SMAD1: variants seen among roughly 807,000 people sequenced by gnomAD.
SMAD1 encodes the protein SMAD family member 1.
A neutral mutation model predicts 41.6 loss-of-function variants in SMAD1; 6 were observed. The ratio of observed to expected loss-of-function variants is 0.14; its 90% CI spans 0.08 to 0.28. The LOEUF (loss-of-function observed/expected upper bound fraction) is 0.28. Ranked by LOEUF, SMAD1 falls within the 10% of genes least tolerant of loss-of-function variation. SMAD1 has a pLI of 1.00. For missense variants in SMAD1, 379 were observed against 582.6 expected, an observed-to-expected ratio of 0.65 and a Z score of 3.60; for synonymous variants, 206 against 203.2, an observed-to-expected ratio of 1.01 and a Z score of -0.12.
intron 1 of SMAD1, among the ~76,000 whole-genome samples, chr4:145,495,201 G>A (rs1296728014): frequency 6.6e-6 from 1 of 152,184 alleles, no homozygotes. Context: ...TAATGCTAAA[G>A]TTGAGGAACC....
chr4:145,551,712 A>G (rs967832933), intron 5 of SMAD1, among the ~76,000 whole-genome samples: 4 of 152,190 alleles, frequency 2.6e-5, no homozygotes, highest in African/African-American at 7.2e-5. Flanking sequence ...TTTGTCAACT[A>G]TAAATTAGGG....
chr4:145,546,624 G>A (rs1244712820), intron 4 of SMAD1, 79 bp from the exon 5 acceptor site: 10 of 977,866 alleles, frequency 1.0e-5, no homozygotes, highest in Non-Finnish European at 1.5e-5. Context: ...ATGATCCTGA[G>A]CCAATTCAAC....
At chr4:145,533,587 G>A (rs1015879604) in intron 2 of SMAD1, among the ~76,000 whole-genome samples, 1 of 152,170 alleles carries the variant, frequency 6.6e-6, no homozygotes, top group Non-Finnish European at 1.5e-5. Context: ...AGGAGGCTGA[G>A]GCAGGAGGAT....
chr4:145,531,062 A>G (rs1731289022), intron 2 of SMAD1, among the ~76,000 whole-genome samples: 1 of 152,244 alleles, frequency 6.6e-6, no homozygotes, highest in Admixed American at 6.5e-5. Flanking sequence ...TGAACCTTAT[A>G]TTATAGACCC....
chr4:145,488,465 T>C (rs1318125498), intron 1 of SMAD1, among the ~76,000 whole-genome samples: 1 of 142,434 alleles, frequency 7.0e-6, no homozygotes, highest in Non-Finnish European at 1.5e-5. Context: ...TATTATCCTC[T>C]CCCTGTCTTT....
intron 1 of SMAD1, among the ~76,000 whole-genome samples, chr4:145,501,353 G>A (rs967508574): frequency 6.6e-6 from 1 of 152,198 alleles, no homozygotes; most frequent in African/African-American, 2.4e-5. Context: ...GGAAAGTGGC[G>A]TGAGACCATA....
chr4:145,509,395 A>G (rs1244172676), intron 1 of SMAD1, among the ~76,000 whole-genome samples: 1 of 151,398 alleles, frequency 6.6e-6, no homozygotes, highest in South Asian at 2.1e-4. Flanking sequence ...TTGAATAGTT[A>G]AAACAAAAAT....
Position 145,539,799 on chromosome 4 carries a change from T to G in SMAD1, c.401-5T>G. 1 of 1,611,404 alleles carries G rather than the reference T, an allele frequency of 6.2e-7. No individual in the cohort carries two copies. The highest frequency in any genetic ancestry group is 1.1e-5 in the South Asian group (1 of 91,044). ...TCCTTCTCTTTTTTCCCTTCCTTTT[T>G]CTAGTACTTCCTCCTGTGCTGGTTC... is the stretch of plus-strand genomic sequence containing the variant. On this transcript the variant is annotated splice_region_variant and splice_polypyrimidine_tract_variant and intron_variant, in intron 2 of 6. Transcript: ENST00000302085.
intron 1 of SMAD1, chr4:145,497,368 G>T (rs17020237): frequency 6.6e-6 from 1 of 152,212 alleles, no homozygotes; most frequent in Non-Finnish European, 1.5e-5. Flanking sequence ...TAGATGAAGA[G>T]CCTGAACAGG....
chr4:145,549,930 A>G (rs957832523), intron 5 of SMAD1, among the ~76,000 whole-genome samples: 1 of 152,216 alleles, frequency 6.6e-6, no homozygotes, highest in African/African-American at 2.4e-5. Flanking sequence ...AATTTTGCAT[A>G]CATTTGGGAG....
At chr4:145,488,599 G>A (rs1412530116) in intron 1 of SMAD1, among the ~76,000 whole-genome samples, 1 of 152,008 alleles carries the variant, frequency 6.6e-6, no homozygotes, top group African/African-American at 2.4e-5. Context: ...AAAAAGGTGG[G>A]GGGGAGACTC....
intron 1 of SMAD1, among the ~76,000 whole-genome samples, chr4:145,494,022 C>T (rs1163102809): frequency 6.6e-6 from 1 of 152,164 alleles, no homozygotes; most frequent in African/African-American, 2.4e-5. Flanking sequence ...AGTGCAGTGG[C>T]GTGATCTTGG....
chr4:145,521,162 G>T (rs1296429401), intron 2 of SMAD1, among the ~76,000 whole-genome samples: 2 of 152,136 alleles, frequency 1.3e-5, no homozygotes, highest in Admixed American at 6.5e-5. Flanking sequence ...TCAGAATCAG[G>T]GCTACTTATT....
At chr4:145,508,819 T>C (rs1162780679) in intron 1 of SMAD1, among the ~76,000 whole-genome samples, 1 of 152,194 alleles carries the variant, frequency 6.6e-6, no homozygotes, top group Non-Finnish European at 1.5e-5. Context: ...GCCTCTTCTC[T>C]CTGTAACCTC....
At chr4:145,532,555 T>C (rs1731374008) in intron 2 of SMAD1, among the ~76,000 whole-genome samples, 1 of 152,228 alleles carries the variant, frequency 6.6e-6, no homozygotes, top group South Asian at 2.1e-4. Context: ...AAGAAATTCA[T>C]GTGTACAAAG....
intron 5 of SMAD1, among the ~76,000 whole-genome samples, chr4:145,550,227 T>G (rs1451281918): frequency 6.6e-6 from 1 of 152,186 alleles, no homozygotes; most frequent in Non-Finnish European, 1.5e-5. Context: ...AATCCATTGA[T>G]ATATTTCACC....
chr4:145,542,359 C>A (rs1731992764), intron 3 of SMAD1, among the ~76,000 whole-genome samples: 1 of 152,230 alleles, frequency 6.6e-6, no homozygotes, highest in South Asian at 2.1e-4. Context: ...TAGTATAATT[C>A]TTTTCCTCCC....
chr4:145,497,818 G>C (rs557564517), intron 1 of SMAD1: 11 of 152,288 alleles, frequency 7.2e-5, no homozygotes, highest in Non-Finnish European at 1.5e-4. Flanking sequence ...GAAAAACTTT[G>C]CATTTGCTTC....
In SMAD1 at chr4:145,514,547, C is replaced by T. The variant is rs1437455462; in HGVS notation, c.-67C>T. Reference sequence around the variant, plus strand: ...TCTGTAAATAAACAAATCTCTTCTGCTGTCCTTTTGCATTTGGAGACAGCT... The same window carrying T: ...TCTGTAAATAAACAAATCTCTTCTGTTGTCCTTTTGCATTTGGAGACAGCT... On this transcript the variant is annotated 5_prime_UTR_variant, in exon 2 of 7. Transcript: ENST00000302085. This position sits in a 1 kb window ranked among gnomAD's most constrained non-coding sequence, Gnocchi z 4.7. The T allele has an allele frequency of 3.6e-6, 5 of 1,393,986 alleles. No individual in the cohort carries two copies. Among genetic ancestry groups the T allele is most frequent in the African/African-American group, 1.5e-5 (1 of 68,716 alleles). The allele number at this position is 1,393,986 out of a possible 1,614,324, so 86.4% of individuals were successfully genotyped here.
Sources: gnomAD v4.1 joint callset for allele counts (sites outside exome capture counted in the v4.1 genomes callset) on GRCh38, gnomAD v4.1.1 for gene constraint, Gnocchi (gnomAD v3.1) non-coding constraint, MANE v1.5 for transcripts, NCBI Gene and HGNC (gene_info 2026-07-23, HGNC 2026-07-21) for gene names.